The following OLA1 variants were observed in gnomAD, a reference collection of about 807,000 sequenced individuals.
OLA1 encodes obg-like ATPase 1.
OLA1 carries 14 observed loss-of-function variants against 48.4 expected under a neutral mutation model. The ratio of observed to expected loss-of-function variants is 0.29; its 90% confidence interval spans 0.19 to 0.45. The LOEUF (loss-of-function observed/expected upper bound fraction) is 0.45. Among genes scored for constraint, OLA1 ranks in the 20% least tolerant of loss-of-function variants. OLA1 has a pLI of 1.00. For synonymous variants in OLA1, 127 were observed against 150.4 expected (o/e 0.84, Z 1.14); for missense variants, 325 against 467.1 (o/e 0.70, Z 2.80).
At chr2:174,152,078 T>G (rs1208369063) in intron 4 of OLA1, among the ~76,000 whole-genome samples, 1 of 152,204 alleles carries the variant, frequency 6.6e-6, no homozygotes, top group Non-Finnish European at 1.5e-5. Flanking sequence ...ATCTTTGCAT[T>G]AAGTAAGATG....
intron 7 of OLA1, among the ~76,000 whole-genome samples, chr2:174,097,311 A>C (rs573071127): frequency 3.9e-5 from 6 of 152,350 alleles, no homozygotes; most frequent in African/African-American, 1.4e-4. Context: ...GTGTATTAAT[A>C]AGCATTATGC....
intron 4 of OLA1, among the ~76,000 whole-genome samples, chr2:174,182,903 G>A (rs1033878989): frequency 6.6e-6 from 1 of 152,190 alleles, no homozygotes; most frequent in South Asian, 2.1e-4. Flanking sequence ...CTAATTGCGG[G>A]AGTTAAACTA....
intron 4 of OLA1, among the ~76,000 whole-genome samples, chr2:174,222,615 T>C (rs983121022): frequency 1.3e-5 from 2 of 152,180 alleles, no homozygotes; most frequent in Non-Finnish European, 2.9e-5. Context: ...TCATCTCTAA[T>C]AGATAACCCA....
At chr2:174,226,982 C>T (rs1019745093) in intron 3 of OLA1, among the ~76,000 whole-genome samples, 36 of 151,838 alleles carry the variant, frequency 2.4e-4, no homozygotes, top group African/African-American at 7.7e-4. Context: ...CCCAGCTACT[C>T]AGGAGGCTGA....
Position 174,141,887 on chromosome 2 carries a change from T to C in OLA1, c.487A>G (p.Ile163Val), listed in dbSNP as rs1449849778. 4.3e-6 allele frequency: 7 copies of C among 1,612,446 alleles called. No homozygotes were observed. Among genetic ancestry groups the C allele is most frequent in the East Asian group, 4.5e-5 (2 of 44,776 alleles). Residue 163 changes from isoleucine to valine, a missense_variant, in exon 5 of 11, where the codon ATT becomes GTT. Ile to Val is a conservative substitution (Grantham distance 29). Coordinates refer to ENST00000284719, the MANE Select transcript of OLA1 (RefSeq NM_013341.5). ...QLKDEEMIGPIIDKLEKVAVR... is the reference protein window; with the variant it reads ...QLKDEEMIGPVIDKLEKVAVR... The stretch of plus-strand genomic sequence containing the variant: ...GCCACCTTTTCTAGTTTATCTATAA[T>C]GGGCCCAATCATTTCCTCATCTTTA...
Position 174,117,971 on chromosome 2 carries a change from T to TA in OLA1, c.728+5208dup, listed in dbSNP as rs1478680716. 5.9e-5 allele frequency among the ~76,000 whole-genome samples: 9 copies of TA among 152,256 alleles called. No individual in the cohort carries two copies. The East Asian group carries it at 1.7e-3, about 29-fold the overall frequency. On this transcript the variant is annotated intron_variant, in intron 7 of 10. Coordinates refer to ENST00000284719, the MANE Select transcript of OLA1 (RefSeq NM_013341.5). ...GGGTAATTTATAAAGAAAAGAGGTC[T>TA]AACTGGCTCACAGTTCTGCAGGCTG... is the stretch of plus-strand genomic sequence containing the variant.
At chr2:174,211,195 AC>A in intron 4 of OLA1, among the ~76,000 whole-genome samples, 1 of 151,804 alleles carries the variant, frequency 6.6e-6, no homozygotes, top group East Asian at 1.9e-4. Context: ...ACACACACAC[AC>A]ACACACACAC....
intron 5 of OLA1, among the ~76,000 whole-genome samples, chr2:174,136,214 C>G (rs1315855762): frequency 2.0e-5 from 3 of 152,098 alleles, no homozygotes; most frequent in African/African-American, 4.8e-5. Context: ...TCAATCAACT[C>G]TTCCTTTCAC....
intron 1 of OLA1, chr2:174,247,681 G>T: frequency 6.4e-7 from 1 of 1,551,062 alleles, no homozygotes; most frequent in Middle Eastern, 1.7e-4. Flanking sequence ...AGGTACTGGG[G>T]TCCTTCCACC....
At chr2:174,081,792 TA>T in intron 8 of OLA1, 131 bp downstream of exon 8, 1 of 862,826 alleles carries the variant, frequency 1.2e-6, no homozygotes, top group Non-Finnish European at 1.8e-6. Context: ...TGTCTCATGG[TA>T]AAGAAAGGAG....
In OLA1 at chr2:174,175,913, G is replaced by A. The variant is rs951169790; in HGVS notation, c.374-33913C>T. Reference sequence around the variant, plus strand: ...AATGAATATCAAAAACATTATGCTAGATCTAAAAAAAGTCAAACAGAAAAA... The same window carrying A: ...AATGAATATCAAAAACATTATGCTAAATCTAAAAAAAGTCAAACAGAAAAA... On this transcript the variant is annotated intron_variant, in intron 4 of 10. Coordinates refer to ENST00000284719, the MANE Select transcript of OLA1 (RefSeq NM_013341.5). 4.6e-5 allele frequency among the ~76,000 whole-genome samples: 7 copies of A among 151,908 alleles called. No homozygotes were observed. In the East Asian group the frequency reaches 1.3e-3, roughly 29 times the overall value.
chr2:174,077,418 C>T (rs1037900618), intron 10 of OLA1, among the ~76,000 whole-genome samples: 1 of 152,048 alleles, frequency 6.6e-6, no homozygotes, highest in South Asian at 2.1e-4. Context: ...TGATAATCTG[C>T]AAGTAAACAT....
At chr2:174,234,602 T>A (rs1387318418) in intron 2 of OLA1, among the ~76,000 whole-genome samples, 1 of 152,102 alleles carries the variant, frequency 6.6e-6, no homozygotes, top group Non-Finnish European at 1.5e-5. Context: ...CAGCTGGGAC[T>A]ACACGTGCGT....
At chr2:174,229,245 G>T in intron 3 of OLA1, 63 bp downstream of exon 3, 3 of 1,463,340 alleles carry the variant, frequency 2.1e-6, no homozygotes, top group South Asian at 1.2e-5. Flanking sequence ...TCTTCTATAT[G>T]ACTTTAAACA....
intron 5 of OLA1, among the ~76,000 whole-genome samples, chr2:174,136,086 T>G (rs1481557414): frequency 1.3e-5 from 2 of 152,266 alleles, no homozygotes; most frequent in Non-Finnish European, 2.9e-5. Flanking sequence ...GTAATCTTTT[T>G]GCTGGTGGAG....
chr2:174,099,493 G>A (rs1183385687), intron 7 of OLA1, among the ~76,000 whole-genome samples: 2 of 152,106 alleles, frequency 1.3e-5, no homozygotes, highest in Non-Finnish European at 2.9e-5. Flanking sequence ...ACTCTAAGTA[G>A]CCAGTGAAGG....
At chr2:174,200,446 C>T (rs1687967713) in intron 4 of OLA1, among the ~76,000 whole-genome samples, 1 of 152,094 alleles carries the variant, frequency 6.6e-6, no homozygotes, top group Non-Finnish European at 1.5e-5. Flanking sequence ...TCCTTGGACA[C>T]TTGGCTATTT....
rs1288444465 is a variant in OLA1 at position 174,082,046 on chromosome 2, C to G, written c.747G>C (p.Glu249Asp). Residue 249 changes from glutamate to aspartate, a missense_variant, in exon 8 of 11, where the codon GAG becomes GAC. Coordinates refer to ENST00000284719, the MANE Select transcript of OLA1 (RefSeq NM_013341.5). ...KKNKWLIKIK[E>D]WVDKYDPGAL... ...CACCTGGGTCATACTTGTCCACCCA[C>G]TCTTTAATTTTTATCAACCTGTAGA... is the stretch of plus-strand genomic sequence containing the variant. 1 of 1,613,372 alleles carries G rather than the reference C, an allele frequency of 6.2e-7. No homozygotes were observed. Among genetic ancestry groups the G allele is most frequent in the African/African-American group, 1.3e-5 (1 of 75,018 alleles).
chr2:174,149,379 C>G (rs1558977545), intron 4 of OLA1, among the ~76,000 whole-genome samples: 1 of 152,120 alleles, frequency 6.6e-6, no homozygotes, highest in East Asian at 1.9e-4. Context: ...TGATGTCTTT[C>G]TTAGCTCTCT....
Sources: gnomAD v4.1 joint callset for allele counts (sites outside exome capture counted in the v4.1 genomes callset) on GRCh38, gnomAD v4.1.1 for gene constraint, MANE v1.5 for transcripts, NCBI Gene and HGNC (gene_info 2026-07-23, HGNC 2026-07-21) for gene names.